The following AK8 variants were observed in gnomAD, a reference collection of about 807,000 sequenced individuals.
The protein encoded by AK8 is ATP-AMP transphosphorylase 8.
In AK8, 44 loss-of-function variants were observed where a neutral mutation model predicts 54.6. The ratio of observed to expected loss-of-function variants is 0.81; its 90% CI spans 0.63 to 1.04. The LOEUF (loss-of-function observed/expected upper bound fraction) is 1.04, where lower values mean the gene tolerates loss of function less well. Among genes scored for constraint, AK8 ranks in the 50% least tolerant of loss-of-function variants. The pLI is 0.00. For synonymous variants in AK8, 239 were observed against 245.6 expected (o/e 0.97, Z 0.25); for missense variants, 555 against 613.6 (o/e 0.90, Z 1.01).
chr9:132,763,976 C>A (rs1388552145), intron 11 of AK8, among the ~76,000 whole-genome samples: 2 of 152,160 alleles, frequency 1.3e-5, no homozygotes, highest in Non-Finnish European at 2.9e-5. Flanking sequence ...ACTAACCCAA[C>A]CCCACATGAG....
At chr9:132,874,539 T>A (rs1233511761) in intron 2 of AK8, 2 of 153,618 alleles carry the variant, frequency 1.3e-5, no homozygotes, top group African/African-American at 2.4e-5. Flanking sequence ...AAATGGACCA[T>A]GGAGTGGAGT....
At chr9:132,778,850 G>A (rs887120088) in intron 11 of AK8, among the ~76,000 whole-genome samples, 1 of 151,670 alleles carries the variant, frequency 6.6e-6, no homozygotes, top group Non-Finnish European at 1.5e-5. Flanking sequence ...AAAATTTCCA[G>A]TTTGCTTCAG....
At chr9:132,735,363 T>A (rs1367374644) in intron 11 of AK8, among the ~76,000 whole-genome samples, 1 of 152,136 alleles carries the variant, frequency 6.6e-6, no homozygotes, top group Non-Finnish European at 1.5e-5. Flanking sequence ...ATTGGGTAAG[T>A]TGAGAGATAC....
chr9:132,737,156 C>A (rs759417657), intron 11 of AK8, among the ~76,000 whole-genome samples: 1 of 152,114 alleles, frequency 6.6e-6, no homozygotes, highest in Non-Finnish European at 1.5e-5. Context: ...TTAACACACA[C>A]ACACACACAA....
At chr9:132,761,280 T>C (rs1838459083) in intron 11 of AK8, among the ~76,000 whole-genome samples, 1 of 149,738 alleles carries the variant, frequency 6.7e-6, no homozygotes, top group Admixed American at 6.6e-5. Context: ...TTTTTTTTTT[T>C]TTTTGAGACA....
intron 11 of AK8, among the ~76,000 whole-genome samples, chr9:132,773,458 A>G (rs1324862784): frequency 6.6e-6 from 1 of 152,136 alleles, no homozygotes; most frequent in African/African-American, 2.4e-5. Flanking sequence ...CACACAACAT[A>G]TTATGCATCT....
At chr9:132,796,664 A>G (rs538903384) in intron 10 of AK8, among the ~76,000 whole-genome samples, 206 of 152,290 alleles carry the variant, frequency 1.4e-3, no homozygotes, top group South Asian at 1.0e-2. Context: ...GCAGAAGTCT[A>G]TGACAGAATG....
intron 11 of AK8, among the ~76,000 whole-genome samples, chr9:132,738,021 TA>T (rs1837198320): frequency 6.6e-6 from 1 of 151,694 alleles, no homozygotes; most frequent in South Asian, 2.1e-4. Flanking sequence ...AAGTGCTAAA[TA>T]AATATTTAGC....
rs1204141674 is a variant in AK8 at position 132,790,304 on chromosome 9, G to A, written c.1121+2330C>T. On this transcript the variant is annotated intron_variant, in intron 11 of 12. Coordinates refer to ENST00000298545, the MANE Select transcript of AK8 (RefSeq NM_152572.3). The surrounding 1 kb of genome is among the most constrained non-coding windows in gnomAD (Gnocchi z 4.1). ...CTCACTCTGTCGCTCAGGCTGGAGC[G>A]CAGTGGCGTGATCTCAGCTCACTGC... 4.6e-5 allele frequency among the ~76,000 whole-genome samples: 7 copies of A among 151,548 alleles called. No homozygotes were observed. Among genetic ancestry groups the A allele is most frequent in the African/African-American group, 1.7e-4 (7 of 41,158 alleles).
chr9:132,828,728 T>C lies in AK8; in HGVS notation c.403-2A>G, dbSNP rs1179020012. 2 of 1,605,430 alleles carry C rather than the reference T, an allele frequency of 1.2e-6. No homozygotes were observed. Among genetic ancestry groups the C allele is most frequent in the Non-Finnish European group, 1.7e-6 (2 of 1,173,724 alleles). The stretch of plus-strand genomic sequence containing the variant: ...AGGGATGCCATCCAGAATCCAGCCC[T>C]AGACAGAAGATTCAGAGAGGTGCTC... On this transcript the variant is annotated splice_acceptor_variant, in intron 5 of 12. Transcript: ENST00000298545. LOFTEE classifies it high-confidence loss of function.
rs565950032 is a variant in AK8, at chr9:132,829,618, C to T, written c.403-892G>A. Among the ~76,000 whole-genome samples the T allele has an allele frequency of 2.2e-4, 34 of 151,400 alleles. No individual in the cohort carries two copies. The South Asian group carries it at 6.9e-3, about 31-fold the overall frequency. The stretch of plus-strand genomic sequence containing the variant: ...TTTTCTTAAAAAAAAAAACCCTGGA[C>T]GATGATTCCGGTTTCTACTCTGCGG... On this transcript the variant is annotated intron_variant, in intron 5 of 12. Transcript: ENST00000298545.
intron 4 of AK8, among the ~76,000 whole-genome samples, chr9:132,857,940 G>A (rs1254601038): frequency 6.6e-6 from 1 of 152,214 alleles, no homozygotes; most frequent in Non-Finnish European, 1.5e-5. Flanking sequence ...CTGCCAAACT[G>A]TCTTAGCAGG....
Position 132,826,863 on chromosome 9 carries a change from A to G in AK8, c.748T>C (p.Phe250Leu), listed in dbSNP as rs1252297082. ...GCCTGCTTGTGTTTACCCTGGTAGAAGACGTCCACACATGGCTGGTCAGCA... is the reference window on the plus strand; with the variant it reads ...GCCTGCTTGTGTTTACCCTGGTAGAGGACGTCCACACATGGCTGGTCAGCA... ...ISADQPCVDV[F>L]YQALTYVQSN... The change falls in exon 8 of 13, where the codon TTC (phenylalanine) becomes CTC (leucine). Residue 250 changes from phenylalanine to leucine, a missense_variant. Physicochemically the swap from Phe to Leu is conservative, Grantham distance 22. Transcript: ENST00000298545. The surrounding 1 kb of genome is among the most constrained non-coding windows in gnomAD (Gnocchi z 4.5). 6.2e-7 allele frequency: 1 copy of G among 1,614,248 alleles called. No individual in the cohort carries two copies. Among genetic ancestry groups the G allele is most frequent in the Admixed American group, 1.7e-5 (1 of 60,030 alleles).
At chr9:132,842,325 GTTCATTCATTCA>G (rs367839334) in intron 5 of AK8, among the ~76,000 whole-genome samples, 2 of 152,114 alleles carry the variant, frequency 1.3e-5, no homozygotes, top group African/African-American at 2.4e-5. Flanking sequence ...TTATTGACTG[GTTCATTCATTCA>G]TTCATTCATT....
chr9:132,878,075 C>T lies in AK8; in HGVS notation c.84+97G>A. The T allele has an allele frequency of 6.5e-7, 1 of 1,536,956 alleles. No homozygotes were observed. Among genetic ancestry groups the T allele is most frequent in the South Asian group, 1.2e-5 (1 of 83,860 alleles). Reference sequence around the variant, plus strand: ...GTTGGGCTGCTTCGTGGGCGCGCGACTCGGCCCCAGCTGCGGGTCCCGGCC... The same window carrying T: ...GTTGGGCTGCTTCGTGGGCGCGCGATTCGGCCCCAGCTGCGGGTCCCGGCC... On this transcript the variant is annotated intron_variant, in intron 1 of 12. Coordinates refer to ENST00000298545, the MANE Select transcript of AK8 (RefSeq NM_152572.3). The surrounding 1 kb of genome is among the most constrained non-coding windows in gnomAD (Gnocchi z 4.7).
intron 5 of AK8, among the ~76,000 whole-genome samples, chr9:132,831,167 T>C (rs1050789282): frequency 6.6e-6 from 1 of 152,222 alleles, no homozygotes; most frequent in Non-Finnish European, 1.5e-5. Context: ...GTTATCGTAA[T>C]GTCTAGTAAA....
intron 5 of AK8, among the ~76,000 whole-genome samples, chr9:132,841,454 TTC>T (rs1842544028): frequency 6.6e-6 from 1 of 152,214 alleles, no homozygotes; most frequent in Non-Finnish European, 1.5e-5. Flanking sequence ...ATGAAAACAT[TTC>T]TTTTTTTCTT....
chr9:132,851,600 T>G (rs1187557498), intron 5 of AK8, among the ~76,000 whole-genome samples: 2 of 152,190 alleles, frequency 1.3e-5, no homozygotes, highest in Non-Finnish European at 2.9e-5. Flanking sequence ...TCAGAGACAC[T>G]GAGACATGAA....
intron 10 of AK8, among the ~76,000 whole-genome samples, 167 bp downstream of exon 10, chr9:132,814,471 G>C (rs1383877934): frequency 6.6e-6 from 1 of 151,970 alleles, no homozygotes; most frequent in African/African-American, 2.4e-5. Flanking sequence ...ACACCAAGAG[G>C]CCTTACCGGA....
Sources: allele counts gnomAD v4.1 joint callset (sites outside exome capture counted in the v4.1 genomes callset), GRCh38; gene constraint gnomAD v4.1.1; non-coding constraint Gnocchi (gnomAD v3.1); transcripts MANE v1.5; gene names NCBI Gene and HGNC (gene_info 2026-07-23, HGNC 2026-07-21).